FHIT: variants seen among roughly 807,000 people sequenced by gnomAD.
FHIT encodes fragile histidine triad diadenosine triphosphatase.
FHIT carries 19 observed loss-of-function variants against 17.9 expected under a neutral mutation model. The ratio of observed to expected loss-of-function variants is 1.06; its 90% CI spans 0.74 to 1.56. The LOEUF is 1.56. Ranked by LOEUF, FHIT falls within the 40% of genes most tolerant of loss-of-function variation. The pLI is 0.00. For synonymous variants in FHIT, 81 were observed against 69.7 expected, an observed-to-expected ratio of 1.16 and a Z score of -0.81; for missense variants, 248 against 189.2, an observed-to-expected ratio of 1.31 and a Z score of -1.82.
chr3:60,077,991 T>TA (rs1253370282), intron 5 of FHIT, among the ~76,000 whole-genome samples: 1 of 151,898 alleles, frequency 6.6e-6, no homozygotes, highest in African/African-American at 2.4e-5. Context: ...AATTTATTTT[T>TA]AAAAAAATGG....
At chr3:59,902,679 G>A (rs1429656608) in intron 8 of FHIT, among the ~76,000 whole-genome samples, 1 of 152,092 alleles carries the variant, frequency 6.6e-6, no homozygotes, top group Non-Finnish European at 1.5e-5. Flanking sequence ...TATGCCAAGT[G>A]GAATAAGCCA....
chr3:60,862,166 T>TTTTTTG (rs782326003), intron 3 of FHIT, among the ~76,000 whole-genome samples: 10 of 150,706 alleles, frequency 6.6e-5, no homozygotes, highest in East Asian at 1.9e-4. Context: ...AAATATGGAG[T>TTTTTTG]TTTTTGTTTT....
At chr3:59,897,860 G>A (rs890671634) in intron 8 of FHIT, among the ~76,000 whole-genome samples, 9 of 151,416 alleles carry the variant, frequency 5.9e-5, no homozygotes, top group Admixed American at 4.0e-4. Context: ...TCCGCCTCCC[G>A]GGTTCACGCC....
chr3:60,900,521 A>C (rs564232139), intron 3 of FHIT, among the ~76,000 whole-genome samples: 1 of 152,238 alleles, frequency 6.6e-6, no homozygotes, highest in African/African-American at 2.4e-5. Context: ...CAAAAAAATC[A>C]TGGTGAAGAA....
chr3:60,236,048 C>G (rs527997221), intron 5 of FHIT, among the ~76,000 whole-genome samples: 1 of 152,056 alleles, frequency 6.6e-6, no homozygotes, highest in East Asian at 1.9e-4. Context: ...GTAGTTCTCA[C>G]ACCTCAAGAC....
chr3:60,950,290 A>G (rs1553776878), intron 3 of FHIT, among the ~76,000 whole-genome samples: 1 of 152,226 alleles, frequency 6.6e-6, no homozygotes, highest in Non-Finnish European at 1.5e-5. Context: ...GGGGGGAAAC[A>G]CATTGCAAAA....
At chr3:60,720,517 T>G (rs1400732577) in intron 4 of FHIT, among the ~76,000 whole-genome samples, 9 of 152,192 alleles carry the variant, frequency 5.9e-5, no homozygotes, top group African/African-American at 2.2e-4. Context: ...TAATATATTT[T>G]GAATATTAGT....
At chr3:61,073,730 G>A (rs967647597) in intron 2 of FHIT, among the ~76,000 whole-genome samples, 2 of 152,128 alleles carry the variant, frequency 1.3e-5, no homozygotes, top group African/African-American at 4.8e-5. Context: ...ACAGTGTCCT[G>A]CTGGCCCTAT....
At chr3:60,097,885 C>A (rs1431065064) in intron 5 of FHIT, among the ~76,000 whole-genome samples, 2 of 124,140 alleles carry the variant, frequency 1.6e-5, no homozygotes, top group Non-Finnish European at 3.2e-5. Flanking sequence ...CCACAACAGG[C>A]CCCGGTGTGT....
rs550918431 is a variant in FHIT at position 59,754,683 on chromosome 3, G to GTTAT, written c.349-2366_349-2363dup. Among the ~76,000 whole-genome samples the GTTAT allele has an allele frequency of 3.2e-4, 48 of 152,284 alleles. 2 individuals carry two copies. Among genetic ancestry groups the GTTAT allele is most frequent in the South Asian group, 2.5e-3 (12 of 4,822 alleles). ...GCCTGTGAATGTTAATGCCTTCCTG[G>GTTAT]TTATTAGGCAACCGTCTGTTATTGT... On this transcript the variant is annotated intron_variant, in intron 8 of 9. Transcript: ENST00000492590.
chr3:60,911,551 G>C (rs563169464), intron 3 of FHIT, among the ~76,000 whole-genome samples: 71 of 152,258 alleles, frequency 4.7e-4, no homozygotes, highest in African/African-American at 1.7e-3. Context: ...TCATGGTATG[G>C]GTTCCCTGCA....
chr3:60,496,284 A>C (rs1016782361), intron 5 of FHIT, among the ~76,000 whole-genome samples: 1 of 152,168 alleles, frequency 6.6e-6, no homozygotes, highest in African/African-American at 2.4e-5. Flanking sequence ...AATCTAGAAT[A>C]TATAAAAATA....
At chr3:59,854,888 C>T (rs894377262) in intron 8 of FHIT, among the ~76,000 whole-genome samples, 21 of 152,276 alleles carry the variant, frequency 1.4e-4, no homozygotes, top group Admixed American at 3.9e-4. Context: ...CTTTATCCAA[C>T]GGCACATCCC....
At position 60,190,714 on chromosome 3, in the gene FHIT, T is replaced by C. The variant is rs966794609; in HGVS notation, c.104-176562A>G. ...CACCAGCATGGCACATGTATACATA[T>C]GTAACTAACCTGCACATTGTGCACA... On this transcript the variant is annotated intron_variant, in intron 5 of 9. Transcript: ENST00000492590. Among the ~76,000 whole-genome samples the C allele has an allele frequency of 4.6e-5, 7 of 152,040 alleles. No individual in the cohort carries two copies. In the South Asian group the frequency reaches 6.2e-4, roughly 14 times the overall value.
intron 5 of FHIT, among the ~76,000 whole-genome samples, chr3:60,368,323 G>C (rs745423542): frequency 6.6e-6 from 1 of 151,466 alleles, no homozygotes; most frequent in East Asian, 1.9e-4. Flanking sequence ...TTTAATTTTA[G>C]CTCTTCAAGT....
intron 7 of FHIT, among the ~76,000 whole-genome samples, chr3:59,955,308 G>GA (rs1707337421): frequency 6.6e-6 from 1 of 152,180 alleles, no homozygotes; most frequent in South Asian, 2.1e-4. Context: ...CGGCTCCTGG[G>GA]ATAGCCTTCT....
intron 5 of FHIT, among the ~76,000 whole-genome samples, chr3:60,319,206 T>A (rs1252828513): frequency 6.6e-6 from 1 of 152,164 alleles, no homozygotes; most frequent in Non-Finnish European, 1.5e-5. Flanking sequence ...TCACTCAGCC[T>A]ACCATAATCT....
intron 5 of FHIT, among the ~76,000 whole-genome samples, chr3:60,181,293 C>G (rs1371823171): frequency 2.0e-5 from 3 of 151,814 alleles, no homozygotes. Flanking sequence ...TTACAGGTGC[C>G]CACCACCACA....
At position 61,103,484 on chromosome 3, in the gene FHIT, A is replaced by T. The variant is rs114236604; in HGVS notation, c.-163-61385T>A. Reference sequence around the variant, plus strand: ...GTGCTTTACTTCCAACTTTGTGGTCAATTTTAGAATACATGCAATGTGGTG... The same window carrying T: ...GTGCTTTACTTCCAACTTTGTGGTCTATTTTAGAATACATGCAATGTGGTG... On this transcript the variant is annotated intron_variant, in intron 2 of 9. Transcript: ENST00000492590. Among the ~76,000 whole-genome samples the T allele has an allele frequency of 6.5e-3, 988 of 152,286 alleles. 14 individuals carry two copies. Among genetic ancestry groups the T allele is most frequent in the African/African-American group, 0.022 (923 of 41,546 alleles).
Sources: gnomAD v4.1 joint callset for allele counts (sites outside exome capture counted in the v4.1 genomes callset) on GRCh38, gnomAD v4.1.1 for gene constraint, MANE v1.5 for transcripts, NCBI Gene and HGNC (gene_info 2026-07-23, HGNC 2026-07-21) for gene names.